Variants in ADAD2 observed in about 807,000 individuals in gnomAD.
The protein encoded by ADAD2 is adenosine deaminase domain-containing protein 2.
A neutral mutation model predicts 54.5 loss-of-function variants in ADAD2; 60 were observed. That is an observed-to-expected ratio of 1.10 (90% CI 0.89 to 1.36). The LOEUF (loss-of-function observed/expected upper bound fraction) is 1.36. Among genes scored for constraint, ADAD2 ranks in the 40% most tolerant of loss-of-function variants. The pLI is 0.00. For missense variants in ADAD2, 1,103 were observed against 801.3 expected, an observed-to-expected ratio of 1.38 and a Z score of -4.54; for synonymous variants, 543 against 366.2, an observed-to-expected ratio of 1.48 and a Z score of -5.51.
chr16:84,196,824 C>G (rs1378741483), intron 9 of ADAD2, 46 bp from the exon 10 acceptor site: 3 of 1,597,692 alleles, frequency 1.9e-6, no homozygotes, highest in Non-Finnish European at 1.7e-6. Flanking sequence ...AGTCCCTGCC[C>G]CCTGCAGGTA....
chr16:84,195,274 G>A lies in ADAD2; in HGVS notation c.734-22G>A, dbSNP rs371159201. 3.1e-5 allele frequency: 50 copies of A among 1,611,978 alleles called. No individual in the cohort carries two copies. The highest frequency in any genetic ancestry group is 1.3e-4 in the East Asian group (6 of 44,820). On this transcript the variant is annotated intron_variant, in intron 4 of 9. Coordinates refer to ENST00000315906, the MANE Select transcript of ADAD2 (RefSeq NM_001145400.2). Reference sequence around the variant, plus strand: ...CAAGCTCCTTGCCTTAGGCTGGGCCGTCTCTGCCCCCTCCTGCACAGAGAT... The same window carrying A: ...CAAGCTCCTTGCCTTAGGCTGGGCCATCTCTGCCCCCTCCTGCACAGAGAT...
chr16:84,196,918 C>T lies in ADAD2; in HGVS notation c.1696C>T (p.Gln566Ter), dbSNP rs539595018. Reference sequence around the variant, plus strand: ...CAGGCAGCTGTCTCTCCTCCTGGACCAGCAGGGCCTGGGGGCTTGGCCCTC... The same window carrying T: ...CAGGCAGCTGTCTCTCCTCCTGGACTAGCAGGGCCTGGGGGCTTGGCCCTC... ...ARRQLSLLLD[Q>*]QGLGAWPSKP... Residue 566 changes from glutamine to a stop codon, truncating the protein, a stop_gained, in exon 10 of 10, where the codon CAG (glutamine) becomes TAG (stop). Transcript: ENST00000315906. LOFTEE classifies it high-confidence loss of function. The T allele has an allele frequency of 7.5e-6, 12 of 1,604,320 alleles. No individual in the cohort carries two copies. The highest frequency in any genetic ancestry group is 1.0e-5 in the Non-Finnish European group (12 of 1,176,566).
intron 1 of ADAD2, among the ~76,000 whole-genome samples, chr16:84,192,085 C>G (rs541419099): frequency 6.6e-6 from 1 of 152,148 alleles, no homozygotes; most frequent in Non-Finnish European, 1.5e-5. Flanking sequence ...AGAGGTAAAC[C>G]GTTATTTCCT....
Position 84,195,979 on chromosome 16 carries a change from T to A in ADAD2, c.1217T>A (p.Leu406Gln). ...GACAAGCTGGCACGCTGGGCCGTGC[T>A]GGGGCTGGGTGGTGCCCTGCTGGCC... ...ASDKLARWAV[L>Q]GLGGALLAHL... Residue 406 changes from leucine (L) to glutamine (Q), a missense_variant, in exon 7 of 10, where the codon CTG (leucine) becomes CAG (glutamine). Leu to Gln is a moderately radical substitution (Grantham distance 113). Coordinates refer to ENST00000315906, the MANE Select transcript of ADAD2 (RefSeq NM_001145400.2). 1.3e-6 allele frequency: 2 copies of A among 1,598,980 alleles called. No individual in the cohort carries two copies. The highest frequency in any genetic ancestry group is 1.7e-4 in the Middle Eastern group (1 of 6,060).
rs749573406 is a variant in ADAD2 at position 84,196,909 on chromosome 16, C to T, written c.1687C>T (p.Leu563Phe). The T allele has an allele frequency of 3.7e-6, 6 of 1,601,442 alleles. No individual in the cohort carries two copies. Among genetic ancestry groups the T allele is most frequent in the East Asian group, 4.5e-5 (2 of 44,524 alleles). ...GGAGGCTCGCAGGCAGCTGTCTCTC[C>T]TCCTGGACCAGCAGGGCCTGGGGGC... ...YQEARRQLSLLLDQQGLGAWP... is the reference protein window; with the variant it reads ...YQEARRQLSLFLDQQGLGAWP... Residue 563 changes from leucine (L) to phenylalanine (F), a missense_variant, in exon 10 of 10, where the codon CTC becomes TTC. Leu to Phe is a conservative substitution (Grantham distance 22, BLOSUM62 0). Transcript: ENST00000315906.
chr16:84,195,639 C>G lies in ADAD2; in HGVS notation c.994C>G (p.Arg332Gly). 1 of 1,602,364 alleles carries G rather than the reference C, an allele frequency of 6.2e-7. No individual in the cohort carries two copies. The highest frequency in any genetic ancestry group is 8.5e-7 in the Non-Finnish European group (1 of 1,174,766). The change falls in exon 6 of 10, where the codon CGC becomes GGC. Residue 332 changes from arginine (R) to glycine (G), a missense_variant. Arg to Gly is a moderately radical substitution (Grantham distance 125). Coordinates refer to ENST00000315906, the MANE Select transcript of ADAD2 (RefSeq NM_001145400.2). ...GPGPPFTLKPRVFLHLYISNT... is the reference protein window; with the variant it reads ...GPGPPFTLKPGVFLHLYISNT... ...CGGACCCCCATTCACCCTCAAGCCC[C>G]GCGTCTTCCTGCACCTCTACATCAG...
At chr16:84,194,881 C>T (rs983820870) in intron 2 of ADAD2, 52 bp from the exon 3 acceptor site, 17 of 1,551,494 alleles carry the variant, frequency 1.1e-5, no homozygotes, top group Middle Eastern at 1.7e-4. Flanking sequence ...TCCTGAGGGA[C>T]GGAGGGTGGG....
chr16:84,194,904 C>T (rs750282297), intron 2 of ADAD2, 29 bp from the exon 3 acceptor site: 1 of 1,583,288 alleles, frequency 6.3e-7, no homozygotes, highest in East Asian at 2.2e-5. Context: ...TTGGCACCCA[C>T]ACCAGCCCGC....
rs756201784 is a variant in ADAD2 at position 84,191,227 on chromosome 16, G to C, written c.-4G>C. 6.8e-6 allele frequency: 11 copies of C among 1,606,644 alleles called. No individual in the cohort carries two copies. The highest frequency in any genetic ancestry group is 5.0e-5 in the Admixed American group (3 of 59,484). ...CCTAGCGCCTCAGATCTTCGTTGGC[G>C]GCCATGGCTTCGGCTTCTCAGGGCG... On this transcript the variant is annotated 5_prime_UTR_variant, in exon 1 of 10. Transcript: ENST00000315906.
At chr16:84,194,891 G>T in intron 2 of ADAD2, 42 bp from the exon 3 acceptor site, 1 of 1,571,654 alleles carries the variant, frequency 6.4e-7, no homozygotes, top group Non-Finnish European at 8.6e-7. Flanking sequence ...CGGAGGGTGG[G>T]CCTTGGCACC....
In ADAD2 at chr16:84,191,480, T is replaced by G. The variant is rs1479027765; in HGVS notation, c.250T>G (p.Trp84Gly). 1 of 1,537,702 alleles carries G rather than the reference T, an allele frequency of 6.5e-7. No individual in the cohort carries two copies. The highest frequency in any genetic ancestry group is 2.0e-5 in the Admixed American group (1 of 49,364). Residue 84 changes from tryptophan (W) to glycine (G), a missense_variant, in exon 1 of 10, where the codon TGG becomes GGG. Trp to Gly is a radical substitution (Grantham distance 184). Coordinates refer to ENST00000315906, the MANE Select transcript of ADAD2 (RefSeq NM_001145400.2). ...GVGELGAARAWENLGEQMGKA... is the reference protein window; with the variant it reads ...GVGELGAARAGENLGEQMGKA... Reference sequence around the variant, plus strand: ...CGGGGAACTGGGGGCAGCCCGGGCGTGGGAAAACTTGGGGGAACAGATGGG... The same window carrying G: ...CGGGGAACTGGGGGCAGCCCGGGCGGGGGAAAACTTGGGGGAACAGATGGG...
chr16:84,196,268 C>T lies in ADAD2; in HGVS notation c.1424C>T (p.Ser475Phe). Residue 475 changes from serine to phenylalanine, a missense_variant, in exon 8 of 10, where the codon TCC (serine) becomes TTC (phenylalanine). Ser to Phe is a radical substitution (Grantham distance 155). Coordinates refer to ENST00000315906, the MANE Select transcript of ADAD2 (RefSeq NM_001145400.2). Reference protein sequence around the residue: ...HLFAGPPVAPSEPTPDTCRGL... With the variant: ...HLFAGPPVAPFEPTPDTCRGL... ...TTTGCAGGGCCCCCGGTGGCCCCTTCCGAACCCACCCCTGACACCTGCCGT... is the reference window on the plus strand; with the variant it reads ...TTTGCAGGGCCCCCGGTGGCCCCTTTCGAACCCACCCCTGACACCTGCCGT... 1 of 1,612,856 alleles carries T rather than the reference C, an allele frequency of 6.2e-7. No homozygotes were observed. Among genetic ancestry groups the T allele is most frequent in the Non-Finnish European group, 8.5e-7 (1 of 1,179,950 alleles).
At position 84,196,738 on chromosome 16, in the gene ADAD2, C is replaced by A. The variant is rs1451799950; in HGVS notation, c.1618C>A (p.Leu540Met). The change falls in exon 9 of 10, where the codon CTG becomes ATG. Residue 540 changes from leucine to methionine, a missense_variant. By Grantham distance (15) the Leu-to-Met change is conservative. Transcript: ENST00000315906. ...AARAVGKPYL[L>M]ALKTYEAAKA... Reference sequence around the variant, plus strand: ...CAGGGCTGTGGGGAAGCCCTACCTCCTGGCCTTGAAGACCTACGAGGCTGC... The same window carrying A: ...CAGGGCTGTGGGGAAGCCCTACCTCATGGCCTTGAAGACCTACGAGGCTGC... The A allele has an allele frequency of 1.2e-6, 2 of 1,612,736 alleles. No individual in the cohort carries two copies. The highest frequency in any genetic ancestry group is 2.2e-5 in the East Asian group (1 of 44,874).
intron 1 of ADAD2, chr16:84,193,335 C>T (rs1266787542): frequency 6.6e-6 from 1 of 152,204 alleles, no homozygotes; most frequent in African/African-American, 2.4e-5. Context: ...TAATCTCTTA[C>T]CTGAAACAGT....
At chr16:84,191,969 T>C in intron 1 of ADAD2, 1 of 474,280 alleles carries the variant, frequency 2.1e-6, no homozygotes, top group Admixed American at 3.5e-5. Context: ...ACATGCAATT[T>C]AAGTTGCCGT....
chr16:84,195,012 G>A lies in ADAD2; in HGVS notation c.607+32G>A, dbSNP rs760937823. On this transcript the variant is annotated intron_variant, in intron 3 of 9. Coordinates refer to ENST00000315906, the MANE Select transcript of ADAD2 (RefSeq NM_001145400.2). ...GAGCATTCCCGGACCCAGGCTTGTAGTGTCGAGGGGAGAGGCGTGGGCCCC... is the reference window on the plus strand; with the variant it reads ...GAGCATTCCCGGACCCAGGCTTGTAATGTCGAGGGGAGAGGCGTGGGCCCC... 13 of 1,611,478 alleles carry A rather than the reference G, an allele frequency of 8.1e-6. No individual in the cohort carries two copies. The South Asian group carries it at 1.4e-4, about 18-fold the overall frequency.
chr16:84,195,941 C>G lies in ADAD2; in HGVS notation c.1179C>G (p.Cys393Trp). 6.3e-7 allele frequency: 1 copy of G among 1,599,598 alleles called. No homozygotes were observed. The highest frequency in any genetic ancestry group is 8.5e-7 in the Non-Finnish European group (1 of 1,179,612). ...CGCTCTGTGACACCCACGTGGGCTGCCTGTCAGCCAGTGACAAGCTGGCAC... is the reference window on the plus strand; with the variant it reads ...CGCTCTGTGACACCCACGTGGGCTGGCTGTCAGCCAGTGACAAGCTGGCAC... Reference protein sequence around the residue: ...APSLCDTHVGCLSASDKLARW... With the variant: ...APSLCDTHVGWLSASDKLARW... Residue 393 changes from cysteine (C) to tryptophan (W), a missense_variant, in exon 7 of 10, where the codon TGC (cysteine) becomes TGG (tryptophan). Cys to Trp is a radical substitution (Grantham distance 215). Coordinates refer to ENST00000315906, the MANE Select transcript of ADAD2 (RefSeq NM_001145400.2).
In ADAD2 at chr16:84,196,045, G is replaced by C; in HGVS notation, c.1282+1G>C. 6.3e-7 allele frequency: 1 copy of C among 1,599,334 alleles called. No homozygotes were observed. ...CTCTACAGCACCAGCCTCATCCTGG[G>C]TGAGCACGTGGTGAGGGCTGGGGGG... On this transcript the variant is annotated splice_donor_variant, in intron 7 of 9. Coordinates refer to ENST00000315906, the MANE Select transcript of ADAD2 (RefSeq NM_001145400.2). LOFTEE classifies it high-confidence loss of function.
At chr16:84,193,383 G>C (rs1304970115) in intron 1 of ADAD2, 2 of 152,210 alleles carry the variant, frequency 1.3e-5, no homozygotes, top group Non-Finnish European at 2.9e-5. Flanking sequence ...TGTCTTTGAA[G>C]AGTAAGGGCC....
Sources: allele counts gnomAD v4.1 joint callset (sites outside exome capture counted in the v4.1 genomes callset), GRCh38; gene constraint gnomAD v4.1.1; transcripts MANE v1.5; gene names NCBI Gene and HGNC (gene_info 2026-07-23, HGNC 2026-07-21).